The following MMUT variants were observed in gnomAD, a reference collection of about 807,000 sequenced individuals.
MMUT encodes the protein methylmalonyl-CoA mutase, also known as methylmalonyl-CoA mutase, mitochondrial.
Under a neutral mutation model 79.9 loss-of-function variants are expected in MMUT, and 79 were observed. The observed-to-expected ratio is 0.99, with a 90% CI of 0.82 to 1.19. MMUT has a LOEUF of 1.19. Among genes scored for constraint, MMUT ranks in the 50% most tolerant of loss-of-function variants. The probability of loss-of-function intolerance (pLI) is 0.00; values close to 1 mark genes in which losing one functional copy is unlikely to be tolerated. For missense variants in MMUT, 860 were observed against 917.2 expected, an observed-to-expected ratio of 0.94 and a Z score of 0.81; for synonymous variants, 273 against 295.7, an observed-to-expected ratio of 0.92 and a Z score of 0.79.
At chr6:49,461,574 G>T (rs1424965664) in intron 1 of MMUT, among the ~76,000 whole-genome samples, 1 of 152,026 alleles carries the variant, frequency 6.6e-6, no homozygotes, top group Non-Finnish European at 1.5e-5. Flanking sequence ...TTCAAGACCA[G>T]CCTGGCCAAC....
intron 11 of MMUT, among the ~76,000 whole-genome samples, chr6:49,439,756 T>C (rs1293667715): frequency 6.6e-6 from 1 of 152,212 alleles, no homozygotes; most frequent in Non-Finnish European, 1.5e-5. Context: ...GACCCCTTAC[T>C]GAGGGAGAAG....
chr6:49,432,051 G>T (rs557637525), intron 12 of MMUT, among the ~76,000 whole-genome samples, 195 bp from the exon 13 acceptor site: 1 of 152,132 alleles, frequency 6.6e-6, no homozygotes, highest in Admixed American at 6.6e-5. Flanking sequence ...CCCAGCCCAA[G>T]TTATTTAAAA....
At chr6:49,456,258 T>C (rs768247997) in intron 3 of MMUT, 21 bp from the exon 4 acceptor site, 12 of 1,481,140 alleles carry the variant, frequency 8.1e-6, no homozygotes, top group Non-Finnish European at 1.1e-5. Flanking sequence ...AAAAAAATTG[T>C]AACAGTGAAT....
At chr6:49,445,027 A>T (rs892249523) in intron 8 of MMUT, among the ~76,000 whole-genome samples, 1 of 149,500 alleles carries the variant, frequency 6.7e-6, no homozygotes, top group Non-Finnish European at 1.5e-5. Context: ...GACCTTCCCA[A>T]GTAGCACATG....
At chr6:49,446,785 T>C (rs1767419809) in intron 8 of MMUT, among the ~76,000 whole-genome samples, 1 of 151,694 alleles carries the variant, frequency 6.6e-6, no homozygotes, top group African/African-American at 2.4e-5. Context: ...CTTCAGGCTA[T>C]GAAGATATAA....
intron 12 of MMUT, among the ~76,000 whole-genome samples, chr6:49,435,245 A>C (rs748220054): frequency 2.6e-5 from 4 of 152,234 alleles, no homozygotes; most frequent in Non-Finnish European, 4.4e-5. Flanking sequence ...GAAGCTTTGT[A>C]AAGTGTTAAG....
chr6:49,444,375 G>T lies in MMUT; in HGVS notation c.1676+264C>A, dbSNP rs949877515. Among the ~76,000 whole-genome samples, 3 of 151,948 alleles carry T rather than the reference G, an allele frequency of 2.0e-5. No individual in the cohort carries two copies. The South Asian group carries it at 6.2e-4, about 31-fold the overall frequency. On this transcript the variant is annotated intron_variant, in intron 9 of 12. Coordinates refer to ENST00000274813, the MANE Select transcript of MMUT (RefSeq NM_000255.4). ...GAGAGTCCAACACATTTCAACCTGCGAATCAGTGAAATGGATTCATTTCAA... is the reference window on the plus strand; with the variant it reads ...GAGAGTCCAACACATTTCAACCTGCTAATCAGTGAAATGGATTCATTTCAA...
At chr6:49,455,938 T>C (rs1471141400) in intron 4 of MMUT, 142 bp downstream of exon 4, 1 of 741,298 alleles carries the variant, frequency 1.3e-6, no homozygotes, top group Non-Finnish European at 2.1e-6. Context: ...TATTGGCTTT[T>C]TCTCTCATTA....
rs147737629 is a variant in MMUT at position 49,448,860 on chromosome 6, C to T, written c.1400G>A (p.Arg467Gln). 1.8e-5 allele frequency: 29 copies of T among 1,613,444 alleles called. No individual in the cohort carries two copies. Among genetic ancestry groups the T allele is most frequent in the Admixed American group, 8.3e-5 (5 of 59,960 alleles). The change falls in exon 7 of 13, where the codon CGA becomes CAA. Residue 467 changes from arginine to glutamine, a missense_variant. By Grantham distance (43) the Arg-to-Gln change is conservative. Transcript: ENST00000274813. Reference protein sequence around the residue: ...KAVAEGIPKLRIEECAARRQA... With the variant: ...KAVAEGIPKLQIEECAARRQA... Reference sequence around the variant, plus strand: ...TCTTCGGGCAGCACATTCTTCAATTCGAAGTTTAGGTATTCCCTCAGCTAC... The same window carrying T: ...TCTTCGGGCAGCACATTCTTCAATTTGAAGTTTAGGTATTCCCTCAGCTAC...
intron 8 of MMUT, 110 bp downstream of exon 8, chr6:49,447,560 C>T: frequency 1.5e-6 from 1 of 674,366 alleles, no homozygotes; most frequent in Non-Finnish European, 2.6e-6. Flanking sequence ...AATTAATACA[C>T]ACCTCATGCT....
At chr6:49,451,848 A>T in intron 5 of MMUT, 134 bp from the exon 6 acceptor site, 2 of 1,028,850 alleles carry the variant, frequency 1.9e-6, no homozygotes, top group South Asian at 3.1e-5. Flanking sequence ...CAGAATAGCA[A>T]ATAAATTCAG....
intron 1 of MMUT, among the ~76,000 whole-genome samples, chr6:49,459,770 G>A (rs1017614342): frequency 1.3e-5 from 2 of 151,964 alleles, no homozygotes; most frequent in South Asian, 2.1e-4. Flanking sequence ...CATTCTATAC[G>A]AATCCCTTCC....
chr6:49,433,817 GCAAA>G (rs1420240182), intron 12 of MMUT, among the ~76,000 whole-genome samples: 11 of 152,048 alleles, frequency 7.2e-5, no homozygotes, highest in African/African-American at 2.7e-4. Flanking sequence ...CATATTCACT[GCAAA>G]CAAATAGTGA....
Position 49,456,029 on chromosome 6 carries a change from G to T in MMUT, c.911+51C>A, listed in dbSNP as rs146207596. 333 of 1,411,756 alleles carry T rather than the reference G, an allele frequency of 2.4e-4. 2 individuals carry two copies. In the African/African-American group the frequency reaches 4.2e-3, roughly 18 times the overall value. 87.5% of individuals were successfully genotyped at this position (1,411,756 alleles called of 1,614,324 possible). A position where few individuals can be genotyped will look rare whatever the true frequency, so the allele number is the denominator to read the frequency against. ...ATTCATTTTATCAATATATAAAATG[G>T]TCCTATGCATTTCTTAATGTTGAAA... On this transcript the variant is annotated intron_variant, in intron 4 of 12. Coordinates refer to ENST00000274813, the MANE Select transcript of MMUT (RefSeq NM_000255.4).
chr6:49,450,582 G>A (rs1322803571), intron 6 of MMUT, among the ~76,000 whole-genome samples: 1 of 152,008 alleles, frequency 6.6e-6, no homozygotes, highest in Non-Finnish European at 1.5e-5. Flanking sequence ...TAAAAATCTA[G>A]AATAAAAAAC....
chr6:49,434,831 G>A (rs942904420), intron 12 of MMUT, among the ~76,000 whole-genome samples: 7 of 152,078 alleles, frequency 4.6e-5, no homozygotes, highest in African/African-American at 1.7e-4. Flanking sequence ...AAGACAAGCT[G>A]ATTCCATTTA....
chr6:49,461,992 T>C (rs1767861690), intron 1 of MMUT, among the ~76,000 whole-genome samples: 1 of 152,110 alleles, frequency 6.6e-6, no homozygotes, highest in East Asian at 1.9e-4. Flanking sequence ...GCAGGAAATA[T>C]CACACTCATT....
intron 6 of MMUT, among the ~76,000 whole-genome samples, chr6:49,451,189 T>C (rs1373599983): frequency 2.0e-5 from 3 of 152,208 alleles, no homozygotes; most frequent in Non-Finnish European, 4.4e-5. Context: ...GATCAAAAAC[T>C]GCTGTTCTTT....
chr6:49,436,673 T>G lies in MMUT; in HGVS notation c.1957-1050A>C, dbSNP rs900235383. ...AGCACTATTCACCACAGCAAAGACA[T>G]GGAATCAACCTAAATGCCCATCAGT... On this transcript the variant is annotated intron_variant, in intron 11 of 12. Coordinates refer to ENST00000274813, the MANE Select transcript of MMUT (RefSeq NM_000255.4). 2.0e-5 allele frequency among the ~76,000 whole-genome samples: 3 copies of G among 150,388 alleles called. No individual in the cohort carries two copies. The East Asian group carries it at 5.9e-4, about 29-fold the overall frequency.
Sources: gnomAD v4.1 joint callset for allele counts (sites outside exome capture counted in the v4.1 genomes callset) on GRCh38, gnomAD v4.1.1 for gene constraint, MANE v1.5 for transcripts, NCBI Gene and HGNC (gene_info 2026-07-23, HGNC 2026-07-21) for gene names.